NRF1: variants seen among roughly 807,000 people sequenced by gnomAD.
The protein encoded by NRF1 is nuclear respiratory factor 1.
In NRF1, 5 loss-of-function variants were observed where a neutral mutation model predicts 58.5. The ratio of observed to expected loss-of-function variants is 0.09; its 90% confidence interval spans 0.04 to 0.18. The LOEUF (loss-of-function observed/expected upper bound fraction) is 0.18, where lower values mean the gene tolerates loss of function less well. Among genes scored for constraint, NRF1 ranks in the 10% least tolerant of loss-of-function variants. The pLI, the probability that NRF1 is intolerant of heterozygous loss-of-function variation, is 1.00. For missense variants in NRF1, 288 were observed against 657.7 expected (o/e 0.44, Z 6.15); for synonymous variants, 224 against 246.7 (o/e 0.91, Z 0.86).
At chr7:129,648,335 A>G (rs768465255) in intron 1 of NRF1, among the ~76,000 whole-genome samples, 1 of 134,642 alleles carries the variant, frequency 7.4e-6, no homozygotes, top group Non-Finnish European at 1.5e-5. Flanking sequence ...GCTGGAGTGC[A>G]GTGGCACAAT....
intron 1 of NRF1, among the ~76,000 whole-genome samples, chr7:129,612,107 T>G (rs1213876748): frequency 6.7e-6 from 1 of 150,192 alleles, no homozygotes; most frequent in Non-Finnish European, 1.5e-5. Flanking sequence ...TCCGGCCTCC[T>G]CCGCCGCCTG....
chr7:129,657,520 G>T lies in NRF1; in HGVS notation c.169G>T (p.Asp57Tyr). ...SPEDTSYDDS[D>Y]ILNSTAADEV... is the part of the protein sequence containing the mutation. ...CGAGGACACCTCTTACGATGACTCA[G>T]ATATACTCAACTCCACAGCAGCTGA... The change falls in exon 2 of 11, where the codon GAT (aspartate) becomes TAT (tyrosine). Residue 57 changes from aspartate (D) to tyrosine (Y), a missense_variant. Physicochemically the swap from Asp to Tyr is radical, Grantham distance 160. This residue lies in a region of NRF1 where 212 missense variants were observed against 559.7 expected (regional missense o/e 0.38). Transcript: ENST00000393232. The T allele has an allele frequency of 2.5e-6, 4 of 1,613,866 alleles. No individual in the cohort carries two copies. The highest frequency in any genetic ancestry group is 3.4e-6 in the Non-Finnish European group (4 of 1,179,906).
intron 2 of NRF1, among the ~76,000 whole-genome samples, chr7:129,661,436 A>G (rs189980692): frequency 2.0e-5 from 3 of 151,258 alleles, no homozygotes; most frequent in East Asian, 1.9e-4. Context: ...TTATAAAACA[A>G]TGCCTTTAAC....
In NRF1 at chr7:129,611,758, G is replaced by A. The variant is rs1800531469; in HGVS notation, c.-73G>A. 3.2e-6 allele frequency: 1 copy of A among 313,322 alleles called. No homozygotes were observed. The highest frequency in any genetic ancestry group is 5.8e-6 in the Non-Finnish European group (1 of 171,536). 19.4% of individuals were successfully genotyped at this position (313,322 alleles called of 1,614,324 possible). On this transcript the variant is annotated 5_prime_UTR_variant, in exon 1 of 11. Transcript: ENST00000393232. ...CTCGCCATTGCCGCTGGTGGCAGGAGGCTGCGAGGAGCCGGCGCGGTCGCA... is the reference window on the plus strand; with the variant it reads ...CTCGCCATTGCCGCTGGTGGCAGGAAGCTGCGAGGAGCCGGCGCGGTCGCA...
At chr7:129,630,544 A>G (rs1801025395) in intron 1 of NRF1, among the ~76,000 whole-genome samples, 1 of 152,132 alleles carries the variant, frequency 6.6e-6, no homozygotes, top group Admixed American at 6.6e-5. Flanking sequence ...AAAACAAATC[A>G]TTTTGATTTT....
chr7:129,626,449 T>G (rs1800921656), intron 1 of NRF1, among the ~76,000 whole-genome samples: 1 of 152,232 alleles, frequency 6.6e-6, no homozygotes, highest in South Asian at 2.1e-4. Flanking sequence ...TCATTAAACT[T>G]AGAATTGGTT....
At chr7:129,735,573 G>A (rs1032960532) in intron 10 of NRF1, among the ~76,000 whole-genome samples, 1 of 152,132 alleles carries the variant, frequency 6.6e-6, no homozygotes, top group Admixed American at 6.5e-5. Flanking sequence ...TAAAGCTGAT[G>A]ACAAGGCATT....
chr7:129,736,505 C>T (rs554422881), intron 10 of NRF1, among the ~76,000 whole-genome samples: 47 of 152,188 alleles, frequency 3.1e-4, no homozygotes, highest in African/African-American at 1.1e-3. Context: ...GATCCGGCCT[C>T]CCAAAGTGCT....
At chr7:129,728,897 A>G (rs889694092) in intron 10 of NRF1, among the ~76,000 whole-genome samples, 5 of 152,340 alleles carry the variant, frequency 3.3e-5, no homozygotes, top group Admixed American at 6.5e-5. Context: ...AGGACATCTT[A>G]TAGCCACACA....
chr7:129,701,123 G>A (rs1802815292), intron 5 of NRF1, among the ~76,000 whole-genome samples: 3 of 152,082 alleles, frequency 2.0e-5, no homozygotes, highest in Non-Finnish European at 4.4e-5. Flanking sequence ...AATATCCAGA[G>A]CAGATTAATA....
At chr7:129,730,876 C>T (rs10247475) in intron 10 of NRF1, among the ~76,000 whole-genome samples, 1 of 151,608 alleles carries the variant, frequency 6.6e-6, no homozygotes, top group Non-Finnish European at 1.5e-5. Flanking sequence ...ACTTGGGGGT[C>T]TGAGGTGAGA....
In NRF1 at chr7:129,658,198, A is replaced by T. The variant is rs556755132; in HGVS notation, c.223+624A>T. Among the ~76,000 whole-genome samples, 5 of 152,020 alleles carry T rather than the reference A, an allele frequency of 3.3e-5. No homozygotes were observed. In the South Asian group the frequency reaches 1.0e-3, roughly 32 times the overall value. On this transcript the variant is annotated intron_variant, in intron 2 of 10. Coordinates refer to ENST00000393232, the MANE Select transcript of NRF1 (RefSeq NM_005011.5). ...GCGTTTTCTTTTGTAGTGATTGAAA[A>T]TTTTGTATTTTTTCATTTTTTTCTT...
At chr7:129,660,744 G>C (rs751515346) in intron 2 of NRF1, among the ~76,000 whole-genome samples, 1 of 150,678 alleles carries the variant, frequency 6.6e-6, no homozygotes, top group Non-Finnish European at 1.5e-5. Context: ...CTGTTGTTGA[G>C]TGTCTGTGGC....
At chr7:129,719,543 C>CAA (rs1554413552) in intron 9 of NRF1, among the ~76,000 whole-genome samples, 4 of 142,058 alleles carry the variant, frequency 2.8e-5, no homozygotes, top group African/African-American at 1.1e-4. Context: ...CACACACACA[C>CAA]AACACATCTT....
chr7:129,679,761 A>C (rs1160817715), intron 4 of NRF1, among the ~76,000 whole-genome samples: 1 of 151,836 alleles, frequency 6.6e-6, no homozygotes, highest in Non-Finnish European at 1.5e-5. Flanking sequence ...AACCCAATTT[A>C]AAAATAGGCA....
At chr7:129,674,879 C>CG in intron 3 of NRF1, among the ~76,000 whole-genome samples, 1 of 152,124 alleles carries the variant, frequency 6.6e-6, no homozygotes, top group East Asian at 1.9e-4. Context: ...GGGGTGGCTG[C>CG]GGCAATTTCT....
intron 2 of NRF1, among the ~76,000 whole-genome samples, chr7:129,658,653 C>T (rs549312972): frequency 5.2e-4 from 78 of 151,354 alleles, no homozygotes; most frequent in African/African-American, 1.6e-3. Flanking sequence ...CTTTTAACCT[C>T]TACAGGGATA....
intron 4 of NRF1, among the ~76,000 whole-genome samples, chr7:129,682,384 A>G (rs1329104195): frequency 6.6e-6 from 1 of 151,530 alleles, no homozygotes; most frequent in Non-Finnish European, 1.5e-5. Context: ...GCTTGAGCCC[A>G]GAGGTCAAGT....
intron 4 of NRF1, among the ~76,000 whole-genome samples, chr7:129,687,982 T>C (rs1235721594): frequency 6.6e-6 from 1 of 152,194 alleles, no homozygotes; most frequent in Non-Finnish European, 1.5e-5. Flanking sequence ...AAACAAAAGA[T>C]GTTTTAAAAG....
Sources: allele counts gnomAD v4.1 joint callset (sites outside exome capture counted in the v4.1 genomes callset), GRCh38; gene constraint gnomAD v4.1.1; regional missense constraint gnomAD v4.1.1; transcripts MANE v1.5; gene names NCBI Gene and HGNC (gene_info 2026-07-23, HGNC 2026-07-21).